Variants in CLVS1 observed in about 807,000 individuals in gnomAD.
CLVS1 encodes clavesin-1.
Under a neutral mutation model 33.1 loss-of-function variants are expected in CLVS1, and 10 were observed. The ratio of observed to expected loss-of-function variants is 0.30; its 90% CI spans 0.19 to 0.51. The LOEUF (loss-of-function observed/expected upper bound fraction) is 0.51. CLVS1 is among the 20% of genes least tolerant of loss of function. The probability of loss-of-function intolerance (pLI) is 0.97; values close to 1 mark genes in which losing one functional copy is unlikely to be tolerated. For synonymous variants in CLVS1, 163 were observed against 166.1 expected, an observed-to-expected ratio of 0.98 and a Z score of 0.14; for missense variants, 343 against 433.4, an observed-to-expected ratio of 0.79 and a Z score of 1.85.
At chr8:61,110,605 G>C in intron 1 of CLVS1, among the ~76,000 whole-genome samples, 1 of 152,182 alleles carries the variant, frequency 6.6e-6, no homozygotes, top group East Asian at 1.9e-4. Flanking sequence ...TCAGTAGTAA[G>C]TATATTCACA....
intron 2 of CLVS1, among the ~76,000 whole-genome samples, chr8:61,313,671 C>T (rs925524740): frequency 2.6e-5 from 4 of 152,118 alleles, no homozygotes; most frequent in Admixed American, 6.5e-5. Flanking sequence ...CAGTGGTGTC[C>T]TGTTGGCTGC....
At chr8:61,308,165 C>T (rs970748644) in intron 2 of CLVS1, among the ~76,000 whole-genome samples, 2 of 152,198 alleles carry the variant, frequency 1.3e-5, no homozygotes, top group Admixed American at 6.5e-5. Context: ...GGTCCTCAAG[C>T]ATTTCCATGT....
At chr8:61,470,671 G>A (rs141065501) in intron 5 of CLVS1, among the ~76,000 whole-genome samples, 19 of 152,324 alleles carry the variant, frequency 1.2e-4, no homozygotes, top group East Asian at 1.9e-4. Context: ...CTTAGGAGCC[G>A]TAATGAGCAT....
At chr8:61,055,469 A>G (rs1182642350), upstream of CLVS1, among the ~76,000 whole-genome samples, 2 of 152,240 alleles carry the variant, frequency 1.3e-5, no homozygotes, top group East Asian at 3.8e-4. Flanking sequence ...GGTCTTCCCC[A>G]TAATCAGTCT....
chr8:61,347,026 A>G (rs2129598649), intron 2 of CLVS1, among the ~76,000 whole-genome samples: 1 of 152,204 alleles, frequency 6.6e-6, no homozygotes, highest in East Asian at 1.9e-4. Context: ...CAAGAGTTTG[A>G]GTAGAGAATA....
At chr8:61,061,953 G>A (rs1173600553) in intron 1 of CLVS1, among the ~76,000 whole-genome samples, 4 of 151,938 alleles carry the variant, frequency 2.6e-5, no homozygotes, top group Non-Finnish European at 5.9e-5. Flanking sequence ...TCATCCCTGA[G>A]TTTTATGGAA....
At chr8:61,225,960 C>T (rs1475351203) in intron 2 of CLVS1, among the ~76,000 whole-genome samples, 4 of 152,230 alleles carry the variant, frequency 2.6e-5, no homozygotes, top group Admixed American at 1.3e-4. Flanking sequence ...ATGTCCACTA[C>T]TTCCAATTAT....
chr8:61,186,087 T>A (rs913670446), intron 2 of CLVS1, among the ~76,000 whole-genome samples: 3 of 152,156 alleles, frequency 2.0e-5, no homozygotes, highest in African/African-American at 7.2e-5. Flanking sequence ...TAGAAATCTC[T>A]GTAACAAGAA....
At chr8:61,474,901 T>A (rs1164709669) in intron 5 of CLVS1, among the ~76,000 whole-genome samples, 1 of 152,222 alleles carries the variant, frequency 6.6e-6, no homozygotes, top group Non-Finnish European at 1.5e-5. Flanking sequence ...ACCCGTTAAC[T>A]CGTCATTTAG....
chr8:61,294,755 A>C (rs1356110793), intron 1 of CLVS1, among the ~76,000 whole-genome samples: 4 of 152,152 alleles, frequency 2.6e-5, no homozygotes, highest in Non-Finnish European at 5.9e-5. Context: ...GTGTTTCTGA[A>C]GATTATAATA....
At chr8:61,405,090 C>T (rs979197517) in intron 3 of CLVS1, among the ~76,000 whole-genome samples, 9 of 152,164 alleles carry the variant, frequency 5.9e-5, no homozygotes, top group Non-Finnish European at 1.2e-4. Flanking sequence ...ATGCAGAACT[C>T]TCTGGGGGGT....
At chr8:61,168,489 A>ATTTC (rs1806926601) in intron 2 of CLVS1, among the ~76,000 whole-genome samples, 1 of 152,256 alleles carries the variant, frequency 6.6e-6, no homozygotes, top group African/African-American at 2.4e-5. Context: ...AGCAATGTAG[A>ATTTC]GAAAATAATT....
At chr8:61,192,468 A>G (rs1362337570) in intron 2 of CLVS1, among the ~76,000 whole-genome samples, 1 of 135,186 alleles carries the variant, frequency 7.4e-6, no homozygotes, top group Non-Finnish European at 1.7e-5. Flanking sequence ...GGCATGGGCA[A>G]GGATTTCAAG....
chr8:61,457,623 A>T lies in CLVS1; in HGVS notation c.742-684A>T, dbSNP rs1817215124. Among the ~76,000 whole-genome samples, 6 of 152,132 alleles carry T rather than the reference A, an allele frequency of 3.9e-5. No individual in the cohort carries two copies. In the South Asian group the frequency reaches 1.2e-3, roughly 32 times the overall value. Reference sequence around the variant, plus strand: ...CAGGCTGTGGTTTTTGATTCCATTAAATAAGAATTGATTTTCTTCTACCTT... The same window carrying T: ...CAGGCTGTGGTTTTTGATTCCATTATATAAGAATTGATTTTCTTCTACCTT... On this transcript the variant is annotated intron_variant, in intron 4 of 5. Transcript: ENST00000325897.
chr8:61,372,285 C>T (rs1483651797), intron 2 of CLVS1, among the ~76,000 whole-genome samples: 1 of 152,096 alleles, frequency 6.6e-6, no homozygotes, highest in African/African-American at 2.4e-5. Context: ...CTCATTTCTG[C>T]AATTTGCATA....
intron 2 of CLVS1, among the ~76,000 whole-genome samples, chr8:61,321,654 T>C (rs1486646): frequency 0.019 from 2,945 of 152,274 alleles, 107 homozygotes; most frequent in African/African-American, 0.066. Flanking sequence ...TACAGGTCTA[T>C]GCAGTTCCTC....
intron 2 of CLVS1, among the ~76,000 whole-genome samples, chr8:61,223,762 G>A (rs1408331420): frequency 2.6e-5 from 4 of 152,152 alleles, no homozygotes; most frequent in Non-Finnish European, 4.4e-5. Flanking sequence ...GGATAATATC[G>A]TGAAGTGTGT....
chr8:61,173,509 G>A (rs1029580268), intron 2 of CLVS1, among the ~76,000 whole-genome samples: 3 of 152,086 alleles, frequency 2.0e-5, no homozygotes, highest in Admixed American at 2.0e-4. Flanking sequence ...TCTTAGCACC[G>A]CTTTTGCTGT....
intron 2 of CLVS1, among the ~76,000 whole-genome samples, chr8:61,356,582 A>G (rs1041291980): frequency 5.9e-5 from 9 of 151,848 alleles, no homozygotes; most frequent in South Asian, 2.1e-4. Flanking sequence ...ATCTTGAATT[A>G]ATTTTTGTAT....
Sources: gnomAD v4.1 joint callset for allele counts (sites outside exome capture counted in the v4.1 genomes callset) on GRCh38, gnomAD v4.1.1 for gene constraint, MANE v1.5 for transcripts, NCBI Gene and HGNC (gene_info 2026-07-23, HGNC 2026-07-21) for gene names.